The following HPSE2 variants were observed in gnomAD, a reference collection of about 807,000 sequenced individuals.
HPSE2 encodes the protein heparanase 2 (inactive), also known as inactive heparanase-2.
In HPSE2, 38 loss-of-function variants were observed where a neutral mutation model predicts 60.5. The ratio of observed to expected loss-of-function variants is 0.63; its 90% CI spans 0.48 to 0.82. The LOEUF (loss-of-function observed/expected upper bound fraction) is 0.82, where lower values mean the gene tolerates loss of function less well. HPSE2 is among the 40% of genes least tolerant of loss of function. The pLI, the probability that HPSE2 is intolerant of heterozygous loss-of-function variation, is 0.00. For synonymous variants in HPSE2, 295 were observed against 293.2 expected (o/e 1.01, Z -0.06); for missense variants, 713 against 740.4 (o/e 0.96, Z 0.43).
At chr10:99,163,210 C>A (rs1388129946) in intron 2 of HPSE2, among the ~76,000 whole-genome samples, 3 of 143,798 alleles carry the variant, frequency 2.1e-5, no homozygotes, top group African/African-American at 7.8e-5. Context: ...GACTCCATCT[C>A]AAAAAAAAAA....
intron 10 of HPSE2, among the ~76,000 whole-genome samples, chr10:98,488,920 C>A (rs567757064): frequency 1.3e-5 from 2 of 152,210 alleles, no homozygotes; most frequent in African/African-American, 4.8e-5. Flanking sequence ...CCTGCCCCCC[C>A]TCTCCTCAGA....
At chr10:98,509,042 G>A (rs774051390) in intron 9 of HPSE2, among the ~76,000 whole-genome samples, 14 of 152,172 alleles carry the variant, frequency 9.2e-5, no homozygotes, top group African/African-American at 2.2e-4. Context: ...TTTAGATGGC[G>A]CGGTGGCTCA....
At position 98,872,721 on chromosome 10, in the gene HPSE2, T is replaced by C. The variant is rs180993172; in HGVS notation, c.611-128665A>G. On this transcript the variant is annotated intron_variant, in intron 3 of 11. Coordinates refer to ENST00000370552, the MANE Select transcript of HPSE2 (RefSeq NM_021828.5). ...TGTCTCTTGCCATAGCTGACTAGAATATCTAAGAAAATATCCGGAAAATGC... is the reference window on the plus strand; with the variant it reads ...TGTCTCTTGCCATAGCTGACTAGAACATCTAAGAAAATATCCGGAAAATGC... Among the ~76,000 whole-genome samples, 3 of 152,226 alleles carry C rather than the reference T, an allele frequency of 2.0e-5. No homozygotes were observed. In the East Asian group the frequency reaches 5.8e-4, roughly 29 times the overall value.
At position 98,902,211 on chromosome 10, in the gene HPSE2, T is replaced by C. The variant is rs567531720; in HGVS notation, c.611-158155A>G. Among the ~76,000 whole-genome samples the C allele has an allele frequency of 8.5e-4, 130 of 152,282 alleles. 1 individual carries two copies. The highest frequency in any genetic ancestry group is 3.0e-3 in the African/African-American group (123 of 41,560). Reference sequence around the variant, plus strand: ...TAGAATAAAGTATCAGATGAAGTAGTACTTGAATACAGTTTTGCAAACTAG... The same window carrying C: ...TAGAATAAAGTATCAGATGAAGTAGCACTTGAATACAGTTTTGCAAACTAG... On this transcript the variant is annotated intron_variant, in intron 3 of 11. Transcript: ENST00000370552.
intron 3 of HPSE2, among the ~76,000 whole-genome samples, chr10:98,847,927 A>C (rs1431719088): frequency 1.3e-5 from 2 of 152,240 alleles, no homozygotes; most frequent in African/African-American, 4.8e-5. Flanking sequence ...GGGATGGGAG[A>C]ATGAGAAGAA....
rs1254320485 is a variant in HPSE2, at chr10:98,693,943, T to C, written c.961A>G (p.Met321Val). 1.9e-6 allele frequency: 3 copies of C among 1,611,852 alleles called. No homozygotes were observed. The highest frequency in any genetic ancestry group is 1.1e-5 in the South Asian group (1 of 91,040). ...TCTACTGTACTTCCTGCCACCTTCATGAATCTGTAAGGAATAGAAAGAAAA... is the reference window on the plus strand; with the variant it reads ...TCTACTGTACTTCCTGCCACCTTCACGAATCTGTAAGGAATAGAAAGAAAA... The part of the protein sequence containing the change: ...KNVIALLDGF[M>V]KVAGSTVDAV... The change falls in exon 6 of 12, where the codon ATG becomes GTG. Residue 321 changes from methionine (M) to valine (V), a missense_variant. Physicochemically the swap from Met to Val is conservative, Grantham distance 21. Coordinates refer to ENST00000370552, the MANE Select transcript of HPSE2 (RefSeq NM_021828.5).
At chr10:99,274,000 A>C in the HPSE2 span, among the ~76,000 whole-genome samples, 1 of 152,240 alleles carries the variant, frequency 6.6e-6, no homozygotes, top group Non-Finnish European at 1.5e-5. Context: ...CTGGAGTCAT[A>C]TAACTTCCCT....
intron 3 of HPSE2, among the ~76,000 whole-genome samples, chr10:98,759,927 T>C (rs1269614828): frequency 2.0e-5 from 3 of 152,088 alleles, no homozygotes; most frequent in African/African-American, 7.2e-5. Flanking sequence ...TAAACATGGG[T>C]ATCTTCCCAT....
the HPSE2 span, among the ~76,000 whole-genome samples, chr10:99,294,795 A>C: frequency 9.2e-5 from 14 of 151,962 alleles, no homozygotes; most frequent in Non-Finnish European, 1.5e-5. Context: ...AAATCAGCTA[A>C]TAAAAATACA....
upstream of HPSE2, among the ~76,000 whole-genome samples, chr10:99,236,460 G>A (rs1315805220): frequency 6.6e-6 from 1 of 151,946 alleles, no homozygotes; most frequent in Non-Finnish European, 1.5e-5. Flanking sequence ...GTCCGCTCAG[G>A]GCCCTTTTCT....
chr10:98,483,393 C>G (rs1941318668), intron 10 of HPSE2, among the ~76,000 whole-genome samples: 4 of 152,308 alleles, frequency 2.6e-5, no homozygotes, highest in Non-Finnish European at 1.5e-5. Flanking sequence ...AACTAATCCC[C>G]TATGTTTGCA....
chr10:98,603,434 T>TTTTTG (rs1554951305), intron 9 of HPSE2, among the ~76,000 whole-genome samples: 1 of 26,798 alleles, frequency 3.7e-5, no homozygotes, highest in East Asian at 2.5e-3. Context: ...GCACTCTGTT[T>TTTTTG]TTTTGTTTTT....
At chr10:98,855,972 C>T (rs1455726799) in intron 3 of HPSE2, among the ~76,000 whole-genome samples, 2 of 152,156 alleles carry the variant, frequency 1.3e-5, no homozygotes, top group Non-Finnish European at 2.9e-5. Context: ...GAATTTGACA[C>T]TGACATTGCA....
At chr10:98,873,010 G>C (rs1285988182) in intron 3 of HPSE2, among the ~76,000 whole-genome samples, 1 of 152,090 alleles carries the variant, frequency 6.6e-6, no homozygotes, top group Non-Finnish European at 1.5e-5. Flanking sequence ...AGGTGAAGAA[G>C]AGAAGGCTAA....
chr10:98,971,335 G>A (rs1404657245), intron 3 of HPSE2, among the ~76,000 whole-genome samples: 4 of 152,090 alleles, frequency 2.6e-5, no homozygotes, highest in African/African-American at 9.7e-5. Flanking sequence ...CAAATGCAGA[G>A]GATATAATTA....
In HPSE2 at chr10:98,575,633, TA is replaced by T. The variant is rs530645860; in HGVS notation, c.1320+39270del. Among the ~76,000 whole-genome samples, 42 of 152,242 alleles carry T rather than the reference TA, an allele frequency of 2.8e-4. No homozygotes were observed. In the East Asian group the frequency reaches 7.7e-3, roughly 28 times the overall value. ...GCTATCATGACCTTCATTTTATGAA[TA>T]AAAAAATAAAGGCTCAGAGAGATGA... On this transcript the variant is annotated intron_variant, in intron 9 of 11. Coordinates refer to ENST00000370552, the MANE Select transcript of HPSE2 (RefSeq NM_021828.5).
At chr10:99,190,033 T>C (rs550471012) in intron 2 of HPSE2, among the ~76,000 whole-genome samples, 44 of 152,304 alleles carry the variant, frequency 2.9e-4, no homozygotes, top group African/African-American at 9.9e-4. Context: ...CTATGGGCTT[T>C]TTCTAACATC....
chr10:98,963,049 G>A (rs1443232370), intron 3 of HPSE2, among the ~76,000 whole-genome samples: 2 of 152,074 alleles, frequency 1.3e-5, no homozygotes, highest in Non-Finnish European at 2.9e-5. Flanking sequence ...CCCACCTGTG[G>A]AATAGTGGTA....
At chr10:98,601,793 G>A (rs4917846) in intron 9 of HPSE2, among the ~76,000 whole-genome samples, 9,146 of 152,212 alleles carry the variant, frequency 0.06, 786 homozygotes, top group African/African-American at 0.18. Flanking sequence ...GGCCCACTGC[G>A]TTGTTCCTGT....
Sources: gnomAD v4.1 joint callset for allele counts (sites outside exome capture counted in the v4.1 genomes callset) on GRCh38, gnomAD v4.1.1 for gene constraint, MANE v1.5 for transcripts, NCBI Gene and HGNC (gene_info 2026-07-23, HGNC 2026-07-21) for gene names.